The following UNC93B1 variants were observed in gnomAD, a reference collection of about 807,000 sequenced individuals.
The protein encoded by UNC93B1 is unc-93B1 regulator of TLR signaling.
A neutral mutation model predicts 56.8 loss-of-function variants in UNC93B1; 33 were observed. The observed-to-expected ratio is 0.58, with a 90% CI of 0.44 to 0.78. The LOEUF (loss-of-function observed/expected upper bound fraction) is 0.78. Among genes scored for constraint, UNC93B1 ranks in the 30% least tolerant of loss-of-function variants. The probability of loss-of-function intolerance (pLI) is 0.00; values close to 1 mark genes in which losing one functional copy is unlikely to be tolerated. For synonymous variants in UNC93B1, 334 were observed against 358.6 expected (o/e 0.93, Z 0.77); for missense variants, 673 against 819.5 (o/e 0.82, Z 2.18).
intron 7 of UNC93B1, 22 bp from the exon 8 acceptor site, chr11:67,996,806 G>C: frequency 1.3e-6 from 2 of 1,518,144 alleles, no homozygotes; most frequent in Non-Finnish European, 8.9e-7. Flanking sequence ...TTACTTGAAG[G>C]GGCGGCCAGC....
chr11:68,003,239 G>C lies in UNC93B1; in HGVS notation c.239-64C>G. ...TAGCTTTGGGCGCCACCGAGCAGAA[G>C]ACGGCATGCAGGCCTCGCAGGGAGC... On this transcript the variant is annotated intron_variant, in intron 2 of 10. Transcript: ENST00000227471. The surrounding 1 kb of genome is among the most constrained non-coding windows in gnomAD (Gnocchi z 4.4). 6.7e-7 allele frequency: 1 copy of C among 1,492,100 alleles called. No homozygotes were observed. Among genetic ancestry groups the C allele is most frequent in the Non-Finnish European group, 8.9e-7 (1 of 1,122,166 alleles). The allele number at this position is 1,492,100 out of a possible 1,614,324, so 92.4% of individuals were successfully genotyped here. A position where few individuals can be genotyped will look rare whatever the true frequency, so the allele number is the denominator to read the frequency against.
At position 67,998,348 on chromosome 11, in the gene UNC93B1, C is replaced by G. The variant is rs1856985382; in HGVS notation, c.781+11G>C. ...TTGTGGACTCCTCCCCAACCCCCAACAAGGACTAACCGCAGCTCTGCACAT... is the reference window on the plus strand; with the variant it reads ...TTGTGGACTCCTCCCCAACCCCCAAGAAGGACTAACCGCAGCTCTGCACAT... On this transcript the variant is annotated intron_variant, in intron 6 of 10. Transcript: ENST00000227471. 22 of 1,613,940 alleles carry G rather than the reference C, an allele frequency of 1.4e-5. No individual in the cohort carries two copies. Among genetic ancestry groups the G allele is most frequent in the Non-Finnish European group, 1.9e-5 (22 of 1,179,834 alleles).
In UNC93B1 at chr11:68,003,959, G is replaced by T. The variant is rs1857092637; in HGVS notation, c.85C>A (p.Pro29Thr). 1.4e-6 allele frequency: 2 copies of T among 1,392,986 alleles called. No individual in the cohort carries two copies. The highest frequency in any genetic ancestry group is 1.9e-6 in the Non-Finnish European group (2 of 1,069,680). The allele number at this position is 1,392,986 out of a possible 1,614,324, so 86.3% of individuals were successfully genotyped here. ...GGGTCCCCGCTCACCGGGGCCTCGG[G>T]CCCGTCCGGGACCCCGAGCAGGTCC... is the stretch of plus-strand genomic sequence containing the variant. ...DEDLLGVPDG[P>T]EAPLDELVGA... Residue 29 changes from proline (P) to threonine (T), a missense_variant, in exon 1 of 11, where the codon CCC (proline) becomes ACC (threonine). Around this residue, in one of 3 missense-constraint regions of UNC93B1, gnomAD observed 438 missense variants for 465.9 expected, o/e 0.94. Coordinates refer to ENST00000227471, the MANE Select transcript of UNC93B1 (RefSeq NM_030930.4). This position sits in a 1 kb window ranked among gnomAD's most constrained non-coding sequence, Gnocchi z 4.4.
At chr11:68,001,803 C>T (rs1229873523) in intron 3 of UNC93B1, among the ~76,000 whole-genome samples, 2 of 151,950 alleles carry the variant, frequency 1.3e-5, no homozygotes, top group Middle Eastern at 3.4e-3. Context: ...ATTGCAAAGT[C>T]GTAACTGTGA....
At chr11:68,002,172 T>C (rs1590763659) in intron 3 of UNC93B1, among the ~76,000 whole-genome samples, 1 of 115,796 alleles carries the variant, frequency 8.6e-6, no homozygotes, top group Admixed American at 9.5e-5. Flanking sequence ...AAAGCAAACA[T>C]AGCCCGCTTG....
At chr11:68,002,408 GT>G (rs1006206509) in intron 3 of UNC93B1, among the ~76,000 whole-genome samples, 22 of 152,284 alleles carry the variant, frequency 1.4e-4, no homozygotes, top group Admixed American at 1.2e-3. Context: ...TTTAAATGGA[GT>G]TTTCTCTTGT....
rs1412163971 is a variant in UNC93B1 at position 68,003,960 on chromosome 11, C to G, written c.84G>C (p.Gly28=). The change falls in exon 1 of 11, where the codon GGG becomes GGC. Residue 28 remains glycine (G), a synonymous_variant. Transcript: ENST00000227471. This position sits in a 1 kb window ranked among gnomAD's most constrained non-coding sequence, Gnocchi z 4.4. ...GDEDLLGVPD[G]PEAPLDELVG... Reference sequence around the variant, plus strand: ...GGTCCCCGCTCACCGGGGCCTCGGGCCCGTCCGGGACCCCGAGCAGGTCCT... The same window carrying G: ...GGTCCCCGCTCACCGGGGCCTCGGGGCCGTCCGGGACCCCGAGCAGGTCCT... 2 of 1,393,188 alleles carry G rather than the reference C, an allele frequency of 1.4e-6. No individual in the cohort carries two copies. Among genetic ancestry groups the G allele is most frequent in the Non-Finnish European group, 1.9e-6 (2 of 1,069,924 alleles). 86.3% of individuals were successfully genotyped at this position (1,393,188 alleles called of 1,614,324 possible).
Position 67,998,429 on chromosome 11 carries a change from C to G in UNC93B1, c.711G>C (p.Leu237=). The G allele has an allele frequency of 4.3e-6, 7 of 1,613,964 alleles. No homozygotes were observed. The highest frequency in any genetic ancestry group is 5.9e-6 in the Non-Finnish European group (7 of 1,179,868). The part of the protein sequence containing the change: ...FFHLSFACAQ[L]PMIYFLNHYL... ...AGTGGTTCAGGAAATAAATCATGGG[C>G]AGCTGGGCGCAGGCGAAGCTCAGCT... The change falls in exon 6 of 11, where the codon CTG becomes CTC. Residue 237 remains leucine, a synonymous_variant. Transcript: ENST00000227471.
At chr11:67,993,527 T>G (rs1856883507) in intron 10 of UNC93B1, 149 bp downstream of exon 10, 1 of 615,316 alleles carries the variant, frequency 1.6e-6, no homozygotes, top group African/African-American at 1.8e-5. Flanking sequence ...GGTGCTGAGT[T>G]GGGGGCCACC....
At chr11:68,002,958 G>A (rs1412785654) in intron 3 of UNC93B1, 64 bp downstream of exon 3, 67 of 1,511,408 alleles carry the variant, frequency 4.4e-5, no homozygotes, top group Non-Finnish European at 3.9e-5. Context: ...CTCCTGGCCC[G>A]CCGGCCTCTG....
chr11:67,999,964 A>T (rs944669230), intron 3 of UNC93B1, among the ~76,000 whole-genome samples: 42 of 152,340 alleles, frequency 2.8e-4, no homozygotes, highest in African/African-American at 9.9e-4. Context: ...ACCAGCCCTC[A>T]TGCGTGTTCT....
intron 6 of UNC93B1, 146 bp downstream of exon 6, chr11:67,998,213 T>C: frequency 1.1e-6 from 1 of 904,570 alleles, no homozygotes; most frequent in South Asian, 1.5e-5. Flanking sequence ...TCCTAACTAC[T>C]TACTCCTACA....
intron 9 of UNC93B1, among the ~76,000 whole-genome samples, chr11:67,994,867 G>A (rs1022193287): frequency 1.3e-5 from 2 of 152,236 alleles, no homozygotes; most frequent in Admixed American, 6.5e-5. Flanking sequence ...ATGGATGCCC[G>A]GCAGGACTGC....
Position 68,004,045 on chromosome 11 carries a change from G to T in UNC93B1, c.-2C>A, listed in dbSNP as rs890310286. The stretch of plus-strand genomic sequence containing the variant: ...GTAGAGCGGCGGCTCCGCCTCCATG[G>T]CCCGAACTACTGCGGACTCGCGGCG... On this transcript the variant is annotated 5_prime_UTR_variant, in exon 1 of 11. Transcript: ENST00000227471. The T allele has an allele frequency of 2.0e-5, 28 of 1,386,514 alleles. No individual in the cohort carries two copies. The highest frequency in any genetic ancestry group is 2.9e-5 in the Admixed American group (1 of 34,922). The allele number at this position is 1,386,514 out of a possible 1,614,324, so 85.9% of individuals were successfully genotyped here.
At chr11:67,992,354 C>A (rs1405032048) in intron 10 of UNC93B1, among the ~76,000 whole-genome samples, 1 of 152,070 alleles carries the variant, frequency 6.6e-6, no homozygotes, top group Non-Finnish European at 1.5e-5. Flanking sequence ...CGCTCCGTTT[C>A]CCCACCGCGC....
rs1486495296 is a variant in UNC93B1, at chr11:67,995,635, C to T, written c.1339G>A (p.Ala447Thr). ...CTGCTGAGTCCAGTCTTGTTCAGGG[C>T]ACTGCCCACACCCCAAAGGGCAGCT... ...VAAALWGVGSALNKTGLSTLL... is the reference protein window; with the variant it reads ...VAAALWGVGSTLNKTGLSTLL... The change falls in exon 9 of 11, where the codon GCC (alanine) becomes ACC (threonine). Residue 447 changes from alanine (A) to threonine (T), a missense_variant. Physicochemically the swap from Ala to Thr is moderately conservative, Grantham distance 58. Transcript: ENST00000227471. 1 of 1,318,550 alleles carries T rather than the reference C, an allele frequency of 7.6e-7. No homozygotes were observed. The highest frequency in any genetic ancestry group is 9.9e-7 in the Non-Finnish European group (1 of 1,007,728). 81.7% of individuals were successfully genotyped at this position (1,318,550 alleles called of 1,614,324 possible).
chr11:68,003,690 C>A lies in UNC93B1; in HGVS notation c.205G>T (p.Ala69Ser). Residue 69 changes from alanine to serine, a missense_variant, in exon 2 of 11, where the codon GCC becomes TCC. Around this residue, in one of 3 missense-constraint regions of UNC93B1, gnomAD observed 438 missense variants for 465.9 expected, o/e 0.94. Coordinates refer to ENST00000227471, the MANE Select transcript of UNC93B1 (RefSeq NM_030930.4). This position sits in a 1 kb window ranked among gnomAD's most constrained non-coding sequence, Gnocchi z 4.4. Reference sequence around the variant, plus strand: ...ACGCCGTAGGTGAGCATGCCCCCGGCGCTGGCAGCCAGCACGTTCTTGAGC... The same window carrying A: ...ACGCCGTAGGTGAGCATGCCCCCGGAGCTGGCAGCCAGCACGTTCTTGAGC... The part of the protein sequence containing the change: ...GVLKNVLAAS[A>S]GGMLTYGVYL... 6.5e-7 allele frequency: 1 copy of A among 1,529,488 alleles called. No individual in the cohort carries two copies. The highest frequency in any genetic ancestry group is 8.7e-7 in the Non-Finnish European group (1 of 1,143,290). The allele number at this position is 1,529,488 out of a possible 1,614,324, so 94.7% of individuals were successfully genotyped here. A position where few individuals can be genotyped will look rare whatever the true frequency, so the allele number is the denominator to read the frequency against.
Position 67,991,499 on chromosome 11 carries a change from C to G in UNC93B1, c.*47G>C. On this transcript the variant is annotated 3_prime_UTR_variant, in exon 11 of 11. Coordinates refer to ENST00000227471, the MANE Select transcript of UNC93B1 (RefSeq NM_030930.4). ...TCCCCCCGACCTCAGACGTGGTAAA[C>G]TGAGGCCGGCGAGGAGGGAGGCTGA... 2 of 1,375,790 alleles carry G rather than the reference C, an allele frequency of 1.5e-6. No individual in the cohort carries two copies. Among genetic ancestry groups the G allele is most frequent in the Non-Finnish European group, 1.9e-6 (2 of 1,070,516 alleles). 85.2% of individuals were successfully genotyped at this position (1,375,790 alleles called of 1,614,324 possible).
intron 9 of UNC93B1, among the ~76,000 whole-genome samples, chr11:67,994,635 G>A (rs779951093): frequency 8.3e-4 from 127 of 152,280 alleles, no homozygotes; most frequent in Non-Finnish European, 1.6e-3. Context: ...GGCACAACAT[G>A]GGTTCAAGAT....
Sources: gnomAD v4.1 joint callset for allele counts (sites outside exome capture counted in the v4.1 genomes callset) on GRCh38, gnomAD v4.1.1 for gene constraint, gnomAD v4.1.1 regional missense constraint, Gnocchi (gnomAD v3.1) non-coding constraint, MANE v1.5 for transcripts, NCBI Gene and HGNC (gene_info 2026-07-23, HGNC 2026-07-21) for gene names.